The following ZNF713 variants were observed in gnomAD, a reference collection of about 807,000 sequenced individuals.
The protein encoded by ZNF713 is zinc finger protein 713.
Under a neutral mutation model 28.7 loss-of-function variants are expected in ZNF713, and 21 were observed. The observed-to-expected ratio is 0.73, with a 90% CI of 0.52 to 1.05. ZNF713 has a LOEUF of 1.05. Among genes scored for constraint, ZNF713 ranks in the 50% least tolerant of loss-of-function variants. The pLI, the probability that ZNF713 is intolerant of heterozygous loss-of-function variation, is 0.00. For synonymous variants in ZNF713, 167 were observed against 178.0 expected (o/e 0.94, Z 0.49); for missense variants, 458 against 532.4 (o/e 0.86, Z 1.37).
In ZNF713 at chr7:55,938,891, T is replaced by C. The variant is rs140872780; in HGVS notation, c.308-91T>C. On this transcript the variant is annotated intron_variant, in intron 6 of 6. Transcript: ENST00000429591. ...CTTGTACACATTACTGTCAGTTTTA[T>C]TTGGTAATTCGCTGTGCAACAATTT... 1.2e-5 allele frequency: 16 copies of C among 1,345,938 alleles called. No individual in the cohort carries two copies. The East Asian group carries it at 3.5e-4, about 29-fold the overall frequency. 83.4% of individuals were successfully genotyped at this position (1,345,938 alleles called of 1,614,324 possible). A position where few individuals can be genotyped will look rare whatever the true frequency, so the allele number is the denominator to read the frequency against.
chr7:55,913,195 C>CT (rs66851959), intron 4 of ZNF713, among the ~76,000 whole-genome samples: 15,161 of 88,070 alleles, frequency 0.17, 1,682 homozygotes, highest in African/African-American at 0.33. Context: ...GTTTTGATTC[C>CT]TTTTTTTTTT....
chr7:55,887,650 GAGCCTGC>G lies in ZNF713; in HGVS notation c.-612_-606del, dbSNP rs1785272933. ...GCGGCGGCGGCGGCGTCAGGGGGCG[GAGCCTGC>G]CGAAGCGCCCTTTGTCTGCGGAGGT... On this transcript the variant is annotated 5_prime_UTR_variant, in exon 1 of 7. Coordinates refer to ENST00000429591, the MANE Select transcript of ZNF713 (RefSeq NM_182633.3). 1 of 173,352 alleles carries G rather than the reference GAGCCTGC, an allele frequency of 5.8e-6. No homozygotes were observed. The highest frequency in any genetic ancestry group is 1.1e-5 in the Non-Finnish European group (1 of 87,898). The allele number at this position is 173,352 out of a possible 1,614,324, so 10.7% of individuals were successfully genotyped here.
At chr7:55,906,407 A>G (rs922666938) in intron 2 of ZNF713, 28 bp downstream of exon 2, 7 of 152,146 alleles carry the variant, frequency 4.6e-5, no homozygotes, top group African/African-American at 1.2e-4. Context: ...CAGACCTCCC[A>G]TTATTTGGGT....
At chr7:55,901,192 C>CA (rs1785569443) in intron 1 of ZNF713, among the ~76,000 whole-genome samples, 1 of 152,116 alleles carries the variant, frequency 6.6e-6, no homozygotes, top group African/African-American at 2.4e-5. Context: ...GGGGAGGACT[C>CA]ACAATCATGG....
chr7:55,890,562 A>G lies in ZNF713; in HGVS notation c.-583+2882A>G, dbSNP rs560973534. Among the ~76,000 whole-genome samples, 21 of 152,288 alleles carry G rather than the reference A, an allele frequency of 1.4e-4. No homozygotes were observed. In the South Asian group the frequency reaches 3.3e-3, roughly 24 times the overall value. ...GTGGGTGTGGAATATAATTTAGTCC[A>G]TAACAGTTACAACATCAAAATGAGT... is the stretch of plus-strand genomic sequence containing the variant. On this transcript the variant is annotated intron_variant, in intron 1 of 6. Transcript: ENST00000429591.
At chr7:55,937,160 T>G (rs1786369495) in intron 6 of ZNF713, among the ~76,000 whole-genome samples, 1 of 151,764 alleles carries the variant, frequency 6.6e-6, no homozygotes, top group African/African-American at 2.4e-5. Flanking sequence ...ATTAACCAGG[T>G]GTAGTGGTGC....
At chr7:55,899,445 G>GTT (rs1785533803) in intron 1 of ZNF713, among the ~76,000 whole-genome samples, 1 of 76,194 alleles carries the variant, frequency 1.3e-5, no homozygotes, top group Non-Finnish European at 2.7e-5. Flanking sequence ...GGGGGGGGGG[G>GTT]GTTGATCACA....
rs112635157 is a variant in ZNF713, at chr7:55,940,908, T to C, written c.*902T>C. On this transcript the variant is annotated 3_prime_UTR_variant, in exon 7 of 7. Transcript: ENST00000429591. ...TCGGCTCACAGCAACCTCCACCTCC[T>C]GGGTTCCAGCGATTCTTCTGCTTCA... 112,311 of 137,236 alleles carry C rather than the reference T, an allele frequency of 0.82. 46,467 individuals carry two copies. The highest frequency in any genetic ancestry group is 0.95 in the African/African-American group (35,273 of 37,150). 8.5% of individuals were successfully genotyped at this position (137,236 alleles called of 1,614,324 possible). A position where few individuals can be genotyped will look rare whatever the true frequency, so the allele number is the denominator to read the frequency against.
intron 4 of ZNF713, chr7:55,918,098 C>G (rs1470228370): frequency 2.2e-6 from 1 of 456,642 alleles, no homozygotes; most frequent in African/African-American, 2.0e-5. Flanking sequence ...CTGGAGGATG[C>G]AAAGCTTTGT....
intron 6 of ZNF713, among the ~76,000 whole-genome samples, chr7:55,928,969 C>CAAAAA (rs35152322): frequency 8.4e-6 from 1 of 119,334 alleles, no homozygotes; most frequent in African/African-American, 3.1e-5. Flanking sequence ...CCATTTCTAC[C>CAAAAA]AAAAAAAAAA....
intron 4 of ZNF713, among the ~76,000 whole-genome samples, chr7:55,922,734 G>T (rs1786016350): frequency 6.6e-6 from 1 of 152,070 alleles, no homozygotes; most frequent in Non-Finnish European, 1.5e-5. Flanking sequence ...TATTTATTTA[G>T]ATGTAATGCC....
At chr7:55,905,108 A>T (rs1376849077) in intron 1 of ZNF713, among the ~76,000 whole-genome samples, 1 of 152,178 alleles carries the variant, frequency 6.6e-6, no homozygotes, top group Non-Finnish European at 1.5e-5. Flanking sequence ...TTTCTAAGGT[A>T]AGAAAGATTT....
At chr7:55,919,919 G>C (rs1166040852) in intron 4 of ZNF713, among the ~76,000 whole-genome samples, 1 of 151,924 alleles carries the variant, frequency 6.6e-6, no homozygotes, top group East Asian at 1.9e-4. Flanking sequence ...GAACGTGCAA[G>C]TTTGTTACAA....
chr7:55,916,972 T>C (rs1785891248), intron 4 of ZNF713, among the ~76,000 whole-genome samples: 1 of 152,134 alleles, frequency 6.6e-6, no homozygotes, highest in Admixed American at 6.5e-5. Context: ...CCCAGCACTT[T>C]GGGAGGCCTA....
At chr7:55,912,236 C>T (rs182924197) in intron 3 of ZNF713, among the ~76,000 whole-genome samples, 168 bp downstream of exon 3, 5 of 151,980 alleles carry the variant, frequency 3.3e-5, no homozygotes, top group Admixed American at 1.3e-4. Context: ...TCCATCGCCT[C>T]ATCCCAGTAG....
At position 55,939,768 on chromosome 7, in the gene ZNF713, C is replaced by A. The variant is rs1786426542; in HGVS notation, c.1094C>A (p.Thr365Asn). Residue 365 changes from threonine (T) to asparagine (N), a missense_variant, in exon 7 of 7, where the codon ACC becomes AAC. By Grantham distance (65) the Thr-to-Asn change is moderately conservative. Coordinates refer to ENST00000429591, the MANE Select transcript of ZNF713 (RefSeq NM_182633.3). ...TSLTEHHRLH[T>N]GEKPYECGFC... is the part of the protein sequence containing the mutation. ...CTTACTGAACATCATAGACTTCATA[C>A]CGGAGAGAAACCTTACGAATGTGGT... The A allele has an allele frequency of 1.9e-6, 3 of 1,614,178 alleles. No individual in the cohort carries two copies. The highest frequency in any genetic ancestry group is 2.5e-6 in the Non-Finnish European group (3 of 1,180,036).
At chr7:55,916,495 T>A (rs1785883700) in intron 4 of ZNF713, among the ~76,000 whole-genome samples, 1 of 152,254 alleles carries the variant, frequency 6.6e-6, no homozygotes, top group Non-Finnish European at 1.5e-5. Flanking sequence ...TACCCAGTTA[T>A]GCTGTTTGTT....
intron 4 of ZNF713, among the ~76,000 whole-genome samples, chr7:55,921,292 C>T (rs1382684099): frequency 6.6e-6 from 1 of 152,178 alleles, no homozygotes; most frequent in Non-Finnish European, 1.5e-5. Context: ...TTTTCGTGCC[C>T]ACTAACACAA....
At chr7:55,913,922 C>T (rs1785834120) in intron 4 of ZNF713, among the ~76,000 whole-genome samples, 1 of 152,050 alleles carries the variant, frequency 6.6e-6, no homozygotes, top group Non-Finnish European at 1.5e-5. Context: ...ACCAGCTTGA[C>T]TAATATGGTG....
Sources: gnomAD v4.1 joint callset for allele counts (sites outside exome capture counted in the v4.1 genomes callset) on GRCh38, gnomAD v4.1.1 for gene constraint, MANE v1.5 for transcripts, NCBI Gene and HGNC (gene_info 2026-07-23, HGNC 2026-07-21) for gene names.